Variants in ANK3 observed in about 807,000 individuals in gnomAD.
ANK3 encodes the protein ankyrin 3.
Under a neutral mutation model 370.9 loss-of-function variants are expected in ANK3, and 57 were observed. The ratio of observed to expected loss-of-function variants is 0.15; its 90% CI spans 0.12 to 0.19. The LOEUF (loss-of-function observed/expected upper bound fraction) is 0.19, where lower values mean the gene tolerates loss of function less well. ANK3 is among the 10% of genes least tolerant of loss of function. The probability of loss-of-function intolerance (pLI) is 1.00; values close to 1 mark genes in which losing one functional copy is unlikely to be tolerated. For synonymous variants in ANK3, 1,929 were observed against 1,946.3 expected (o/e 0.99, Z 0.23); for missense variants, 4,439 against 5,302.1 (o/e 0.84, Z 5.06).
chr10:60,727,160 T>C (rs576933105), intron 1 of ANK3, among the ~76,000 whole-genome samples: 3 of 152,304 alleles, frequency 2.0e-5, no homozygotes, highest in African/African-American at 7.2e-5. Context: ...GAAAGGATTT[T>C]TGTACAAATA....
chr10:60,255,703 T>C (rs750841373), intron 7 of ANK3, among the ~76,000 whole-genome samples: 10 of 152,182 alleles, frequency 6.6e-5, no homozygotes, highest in Admixed American at 3.3e-4. Flanking sequence ...TCATTCAAAA[T>C]AACTTTCTAT....
chr10:60,580,113 C>A (rs1317320731), intron 2 of ANK3, among the ~76,000 whole-genome samples: 1 of 152,130 alleles, frequency 6.6e-6, no homozygotes, highest in East Asian at 1.9e-4. Context: ...TGGTAGAACA[C>A]TCTTCATATT....
At chr10:60,546,401 T>C (rs1399275889) in intron 2 of ANK3, among the ~76,000 whole-genome samples, 1 of 152,332 alleles carries the variant, frequency 6.6e-6, no homozygotes, top group Admixed American at 6.5e-5. Context: ...TGCAATATTA[T>C]TGCAATTCTT....
At chr10:60,297,211 C>T (rs1299682577) in intron 1 of ANK3, among the ~76,000 whole-genome samples, 1 of 152,102 alleles carries the variant, frequency 6.6e-6, no homozygotes, top group Non-Finnish European at 1.5e-5. Flanking sequence ...TTGGCTTCTA[C>T]TTTTCAAACT....
At chr10:60,343,735 G>T (rs2054783308) in intron 1 of ANK3, among the ~76,000 whole-genome samples, 1 of 152,168 alleles carries the variant, frequency 6.6e-6, no homozygotes, top group Non-Finnish European at 1.5e-5. Context: ...ATGACAGCGA[G>T]AATACAGTTG....
intron 25 of ANK3, among the ~76,000 whole-genome samples, chr10:60,133,452 A>C (rs1187499157): frequency 2.6e-5 from 4 of 152,242 alleles, no homozygotes; most frequent in Admixed American, 1.3e-4. Context: ...AAACAATTAC[A>C]CAAACACCAA....
At chr10:60,578,708 A>G (rs1188102296) in intron 2 of ANK3, among the ~76,000 whole-genome samples, 1 of 152,152 alleles carries the variant, frequency 6.6e-6, no homozygotes, top group African/African-American at 2.4e-5. Flanking sequence ...GGAGTTCTTT[A>G]TTATCAAATA....
chr10:60,300,218 C>T (rs917083436), intron 1 of ANK3: 1 of 622,642 alleles, frequency 1.6e-6, no homozygotes, highest in South Asian at 1.5e-5. Context: ...TAATTTGCTT[C>T]CTACCCAGCA....
intron 1 of ANK3, among the ~76,000 whole-genome samples, chr10:60,722,880 G>A (rs1290693152): frequency 6.6e-6 from 1 of 152,194 alleles, no homozygotes; most frequent in Non-Finnish European, 1.5e-5. Flanking sequence ...GCTTCCTGAT[G>A]CCTTAGCAGG....
chr10:60,115,363 T>A lies in ANK3; in HGVS notation c.2842-1032A>T, dbSNP rs77824544. ...GGCAAACATTCTGTGAAGGAATATA[T>A]CACCATCGGGTGTGTCCACAATTTT... is the stretch of plus-strand genomic sequence containing the variant. On this transcript the variant is annotated intron_variant, in intron 25 of 43. Coordinates refer to ENST00000280772, the MANE Select transcript of ANK3 (RefSeq NM_020987.5). Among the ~76,000 whole-genome samples, 1,302 of 152,280 alleles carry A rather than the reference T, an allele frequency of 8.6e-3. 10 individuals are homozygous for A. The highest frequency in any genetic ancestry group is 0.016 in the South Asian group (76 of 4,820).
At chr10:60,219,364 A>C (rs1008994938) in intron 8 of ANK3, among the ~76,000 whole-genome samples, 7 of 152,126 alleles carry the variant, frequency 4.6e-5, no homozygotes, top group African/African-American at 1.2e-4. Context: ...CAACTTTATT[A>C]GGTCTTTCAT....
chr10:60,210,103 T>C (rs1224324735), intron 9 of ANK3, among the ~76,000 whole-genome samples: 1 of 152,182 alleles, frequency 6.6e-6, no homozygotes, highest in East Asian at 1.9e-4. Context: ...ATTCACTTAA[T>C]AGTCATTCAA....
At chr10:60,198,041 G>A (rs1433503135) in intron 14 of ANK3, among the ~76,000 whole-genome samples, 1 of 152,108 alleles carries the variant, frequency 6.6e-6, no homozygotes, top group Non-Finnish European at 1.5e-5. Context: ...GCTAATCTGT[G>A]GCTCTGTTTT....
chr10:60,328,309 G>A (rs1755960521), intron 1 of ANK3, among the ~76,000 whole-genome samples: 1 of 152,044 alleles, frequency 6.6e-6, no homozygotes, highest in Non-Finnish European at 1.5e-5. Flanking sequence ...AGTTTTAGAT[G>A]GTCAAAGACA....
intron 1 of ANK3, among the ~76,000 whole-genome samples, chr10:60,704,042 C>A (rs1589052578): frequency 6.6e-6 from 1 of 152,260 alleles, no homozygotes; most frequent in East Asian, 1.9e-4. Context: ...GCTCTTAGGC[C>A]ATTGCTTTTG....
At chr10:60,138,809 A>G in intron 24 of ANK3, 155 bp downstream of exon 24, 1 of 864,906 alleles carries the variant, frequency 1.2e-6, no homozygotes, top group Non-Finnish European at 1.7e-6. Context: ...AGAAAATAGC[A>G]GAGCATGTGT....
chr10:60,068,568 T>C (rs2082071606), intron 37 of ANK3, 69 bp downstream of exon 37: 5 of 1,494,280 alleles, frequency 3.3e-6, no homozygotes, highest in Non-Finnish European at 3.6e-6. Flanking sequence ...TGGAAAGTGT[T>C]TACAAACTAT....
At chr10:60,296,531 CTT>C (rs1411590376) in intron 1 of ANK3, among the ~76,000 whole-genome samples, 3 of 152,130 alleles carry the variant, frequency 2.0e-5, no homozygotes, top group Admixed American at 6.5e-5. Flanking sequence ...AAAATAGTCT[CTT>C]GTTAGGACTA....
At chr10:60,574,843 A>C (rs1014657491) in intron 2 of ANK3, among the ~76,000 whole-genome samples, 1 of 152,156 alleles carries the variant, frequency 6.6e-6, no homozygotes. Context: ...TAGTACATCC[A>C]CCTAAAGTAA....
Sources: allele counts gnomAD v4.1 joint callset (sites outside exome capture counted in the v4.1 genomes callset), GRCh38; gene constraint gnomAD v4.1.1; transcripts MANE v1.5; gene names NCBI Gene and HGNC (gene_info 2026-07-23, HGNC 2026-07-21).